Variants in KCNB2 observed in about 807,000 individuals in gnomAD.
The protein encoded by KCNB2 is delayed rectifier potassium channel protein.
A neutral mutation model predicts 61.5 loss-of-function variants in KCNB2; 15 were observed. The observed-to-expected ratio is 0.24, with a 90% CI of 0.16 to 0.38. The LOEUF is 0.38. Among genes scored for constraint, KCNB2 ranks in the 10% least tolerant of loss-of-function variants. KCNB2 has a pLI of 1.00. For missense variants in KCNB2, 828 were observed against 1,125.2 expected (o/e 0.74, Z 3.78); for synonymous variants, 457 against 446.0 (o/e 1.02, Z -0.31).
At chr8:72,684,600 T>C (rs945658857) in intron 2 of KCNB2, among the ~76,000 whole-genome samples, 2 of 152,086 alleles carry the variant, frequency 1.3e-5, no homozygotes, top group African/African-American at 2.4e-5. Flanking sequence ...GTTTGAGAAA[T>C]CTGTAGAGAT....
rs780758183 is a variant in KCNB2 at position 72,932,162 on chromosome 8, T to C, written c.580-3773T>C. ...GCCCAATAATGAAATGCAGAGGAAC[T>C]GGGAAAGGAGAGAGTTTATTTCTGT... On this transcript the variant is annotated intron_variant, in intron 2 of 2. Transcript: ENST00000523207. Among the ~76,000 whole-genome samples the C allele has an allele frequency of 1.7e-4, 26 of 152,054 alleles. 1 individual carries two copies. The highest frequency in any genetic ancestry group is 2.9e-5 in the Non-Finnish European group (2 of 68,006).
At chr8:72,711,199 G>T (rs1044336640) in intron 2 of KCNB2, among the ~76,000 whole-genome samples, 8 of 152,214 alleles carry the variant, frequency 5.3e-5, no homozygotes, top group African/African-American at 1.9e-4. Flanking sequence ...GACCAGAAGT[G>T]GTACCTTTTG....
chr8:72,798,818 A>G (rs936236141), intron 2 of KCNB2, among the ~76,000 whole-genome samples: 1 of 152,182 alleles, frequency 6.6e-6, no homozygotes, highest in Non-Finnish European at 1.5e-5. Context: ...GATTCCTTTA[A>G]GAACTGGTGT....
intron 2 of KCNB2, chr8:72,751,611 T>C (rs951728769): frequency 3.9e-5 from 6 of 152,192 alleles, no homozygotes; most frequent in Non-Finnish European, 7.4e-5. Flanking sequence ...TCAGGACTTC[T>C]TGGTTCCCCT....
chr8:72,804,202 G>A (rs1475008549), intron 2 of KCNB2, among the ~76,000 whole-genome samples: 2 of 152,104 alleles, frequency 1.3e-5, no homozygotes, highest in East Asian at 3.9e-4. Context: ...AGATTGTAGA[G>A]AAGCAAAAAA....
chr8:72,676,157 A>G (rs1364872637), intron 2 of KCNB2, among the ~76,000 whole-genome samples: 1 of 152,276 alleles, frequency 6.6e-6, no homozygotes, highest in East Asian at 1.9e-4. Context: ...TTAGAGGTGC[A>G]AATTTTGAGG....
At chr8:72,757,644 C>T (rs914510296) in intron 2 of KCNB2, among the ~76,000 whole-genome samples, 13 of 150,618 alleles carry the variant, frequency 8.6e-5, no homozygotes, top group South Asian at 2.1e-4. Context: ...ATTTTATGTG[C>T]GTGTGTGTGT....
chr8:72,763,688 C>A (rs1264966595), intron 2 of KCNB2, among the ~76,000 whole-genome samples: 1 of 152,172 alleles, frequency 6.6e-6, no homozygotes, highest in Admixed American at 6.6e-5. Context: ...AAACAGAATT[C>A]TTTAAACGAT....
rs540413454 is a variant in KCNB2 at position 72,557,507 on chromosome 8, T to C, written c.-93-10135T>C. On this transcript the variant is annotated intron_variant, in intron 1 of 2. Transcript: ENST00000523207. ...GGACATGAAATATCTTTCCTAGGAG[T>C]GAGTGAGTATAAGCTGAGAAATGGA... Among the ~76,000 whole-genome samples the C allele has an allele frequency of 3.3e-5, 5 of 151,946 alleles. No individual in the cohort carries two copies. In the East Asian group the frequency reaches 9.7e-4, roughly 29 times the overall value.
chr8:72,697,761 TA>T (rs755586607), intron 2 of KCNB2, among the ~76,000 whole-genome samples: 25 of 152,124 alleles, frequency 1.6e-4, no homozygotes, highest in Non-Finnish European at 3.5e-4. Context: ...TTATTCTCAT[TA>T]AAAAAATGAT....
intron 2 of KCNB2, among the ~76,000 whole-genome samples, chr8:72,883,060 G>A (rs1805744252): frequency 6.6e-6 from 1 of 152,162 alleles, no homozygotes; most frequent in Admixed American, 6.5e-5. Flanking sequence ...GGTCCCAGAA[G>A]TCATTTACGT....
intron 2 of KCNB2, among the ~76,000 whole-genome samples, chr8:72,767,577 G>GA (rs1391181385): frequency 6.6e-6 from 1 of 152,078 alleles, no homozygotes; most frequent in Non-Finnish European, 1.5e-5. Context: ...TTTTATTGTT[G>GA]AATAACGTTT....
Position 72,937,715 on chromosome 8 carries a change from G to T in KCNB2, c.2360G>T (p.Arg787Met), listed in dbSNP as rs1200253984. ...CQGPSKGLSP[R>M]FPKQKLFPFS... ...GGACCTTCCAAAGGGCTGTCCCCCAGGTTTCCCAAGCAGAAACTGTTCCCT... is the reference window on the plus strand; with the variant it reads ...GGACCTTCCAAAGGGCTGTCCCCCATGTTTCCCAAGCAGAAACTGTTCCCT... Residue 787 changes from arginine to methionine, a missense_variant, in exon 3 of 3, where the codon AGG (arginine) becomes ATG (methionine). By Grantham distance (91) the Arg-to-Met change is moderately conservative (BLOSUM62 -1). Coordinates refer to ENST00000523207, the MANE Select transcript of KCNB2 (RefSeq NM_004770.3). The T allele has an allele frequency of 1.2e-6, 2 of 1,613,934 alleles. No individual in the cohort carries two copies. The highest frequency in any genetic ancestry group is 1.7e-6 in the Non-Finnish European group (2 of 1,180,010).
chr8:72,540,068 A>G (rs553485575), intron 1 of KCNB2, among the ~76,000 whole-genome samples: 14 of 152,284 alleles, frequency 9.2e-5, no homozygotes, highest in Admixed American at 5.9e-4. Context: ...CATCTTCGTT[A>G]AACGTTGAAA....
At chr8:72,707,224 C>T (rs1014929779) in intron 2 of KCNB2, among the ~76,000 whole-genome samples, 1 of 152,120 alleles carries the variant, frequency 6.6e-6, no homozygotes, top group Admixed American at 6.5e-5. Flanking sequence ...AAAATAATAA[C>T]CCTCACAAAA....
intron 2 of KCNB2, among the ~76,000 whole-genome samples, chr8:72,671,837 T>G (rs567068572): frequency 1.6e-4 from 24 of 152,284 alleles, no homozygotes; most frequent in Non-Finnish European, 2.8e-4. Flanking sequence ...AAGAACATAC[T>G]GACAATAGCC....
chr8:72,856,973 C>T (rs933483039), intron 2 of KCNB2, among the ~76,000 whole-genome samples: 9 of 152,134 alleles, frequency 5.9e-5, no homozygotes, highest in South Asian at 2.1e-4. Flanking sequence ...AGTATATGGG[C>T]GGAAAGACCA....
intron 1 of KCNB2, among the ~76,000 whole-genome samples, chr8:72,550,544 A>G (rs1413681080): frequency 6.6e-6 from 1 of 152,200 alleles, no homozygotes; most frequent in Non-Finnish European, 1.5e-5. Flanking sequence ...GATGGGGAGT[A>G]GCAGCATGCA....
intron 2 of KCNB2, among the ~76,000 whole-genome samples, chr8:72,760,147 A>G (rs1212629389): frequency 2.0e-5 from 3 of 152,178 alleles, no homozygotes; most frequent in Non-Finnish European, 4.4e-5. Context: ...GATGTCATGG[A>G]AAGTCTACAG....
Sources: allele counts gnomAD v4.1 joint callset (sites outside exome capture counted in the v4.1 genomes callset), GRCh38; gene constraint gnomAD v4.1.1; transcripts MANE v1.5; gene names NCBI Gene and HGNC (gene_info 2026-07-23, HGNC 2026-07-21).